Variants in ERMP1 observed in about 807,000 individuals in gnomAD.
ERMP1 encodes the protein endoplasmic reticulum metallopeptidase 1.
Under a neutral mutation model 92.0 loss-of-function variants are expected in ERMP1, and 86 were observed. The ratio of observed to expected loss-of-function variants is 0.93; its 90% CI spans 0.79 to 1.12. The LOEUF is 1.12. Ranked by LOEUF, ERMP1 falls within the 50% of genes most tolerant of loss-of-function variation. The probability of loss-of-function intolerance (pLI) is 0.00; values close to 1 mark genes in which losing one functional copy is unlikely to be tolerated. For synonymous variants in ERMP1, 530 were observed against 412.8 expected, an observed-to-expected ratio of 1.28 and a Z score of -3.44; for missense variants, 1,342 against 1,116.3, an observed-to-expected ratio of 1.20 and a Z score of -2.88.
At chr9:5,864,730 G>C (rs374009252) in intron 5 of ERMP1, among the ~76,000 whole-genome samples, 1 of 152,180 alleles carries the variant, frequency 6.6e-6, no homozygotes, top group Non-Finnish European at 1.5e-5. Context: ...CTGGACAGGA[G>C]GCTTGTATTT....
rs533476681 is a variant in ERMP1, at chr9:5,855,239, CTA to C, written n.3199+4227_3199+4228del. On this transcript the variant is annotated intron_variant and non_coding_transcript_variant, in intron 6 of 6. Transcript: ENST00000690753. The stretch of plus-strand genomic sequence containing the variant: ...CTAGGATGTCTGAAAAGGAGAGACT[CTA>C]TGGAGTATGGATGAAGCAAAAAAGG... Among the ~76,000 whole-genome samples the C allele has an allele frequency of 2.1e-3, 314 of 152,240 alleles. 5 individuals are homozygous for C. The highest frequency in any genetic ancestry group is 7.2e-3 in the African/African-American group (300 of 41,550).
At chr9:5,837,707 G>A (rs377421205), upstream of ERMP1, among the ~76,000 whole-genome samples, 8 of 152,156 alleles carry the variant, frequency 5.3e-5, no homozygotes, top group South Asian at 8.3e-4. Flanking sequence ...CACAAAAATC[G>A]GTAAGAAAAA....
chr9:5,832,550 C>G (rs904653509), intron 1 of ERMP1, 140 bp downstream of exon 1: 3 of 627,332 alleles, frequency 4.8e-6, no homozygotes, highest in Non-Finnish European at 7.4e-6. Context: ...CAAGGTCACC[C>G]CACCCCACGT....
At chr9:5,811,690 T>C (rs1284313659) in intron 6 of ERMP1, among the ~76,000 whole-genome samples, 2 of 152,196 alleles carry the variant, frequency 1.3e-5, no homozygotes, top group Non-Finnish European at 2.9e-5. Context: ...CATTTAATAA[T>C]ATATATTAAC....
intron 13 of ERMP1, among the ~76,000 whole-genome samples, chr9:5,790,534 A>G (rs949233879): frequency 6.6e-6 from 1 of 152,250 alleles, no homozygotes; most frequent in Non-Finnish European, 1.5e-5. Flanking sequence ...CACATACTGT[A>G]TGTTTCCTGA....
intron 5 of ERMP1, among the ~76,000 whole-genome samples, chr9:5,860,038 G>A (rs1385599798): frequency 6.6e-6 from 1 of 151,724 alleles, no homozygotes; most frequent in Non-Finnish European, 1.5e-5. Context: ...AGTGGCTTAT[G>A]TCTATAATTT....
chr9:5,850,342 T>G (rs974856786), intron 6 of ERMP1, among the ~76,000 whole-genome samples: 2 of 129,306 alleles, frequency 1.5e-5, no homozygotes, highest in African/African-American at 5.9e-5. Context: ...GAGGTGAAAG[T>G]TGCAGTGAGC....
chr9:5,856,078 G>A, intron 6 of ERMP1: 2 of 376,384 alleles, frequency 5.3e-6, no homozygotes, highest in Non-Finnish European at 5.3e-6. Flanking sequence ...AACGTCGGCT[G>A]AGACAATCTT....
At position 5,801,283 on chromosome 9, in the gene ERMP1, T is replaced by G. The variant is rs147318623; in HGVS notation, c.1960A>C (p.Thr654Pro). ...LAKSTKKTML[T>P]LTLVCAITFL... ...GTAATTGCACATACCAAAGTTAAAGTTAGCATGGTTTTTTTTGTGCTCTTG... is the reference window on the plus strand; with the variant it reads ...GTAATTGCACATACCAAAGTTAAAGGTAGCATGGTTTTTTTTGTGCTCTTG... Residue 654 changes from threonine to proline, a missense_variant, in exon 11 of 15, where the codon ACT (threonine) becomes CCT (proline). Coordinates refer to ENST00000339450, the MANE Select transcript of ERMP1 (RefSeq NM_024896.3). 6.2e-7 allele frequency: 1 copy of G among 1,613,300 alleles called. No homozygotes were observed. The highest frequency in any genetic ancestry group is 8.5e-7 in the Non-Finnish European group (1 of 1,179,670).
intron 4 of ERMP1, among the ~76,000 whole-genome samples, chr9:5,820,434 T>A (rs1416306571): frequency 6.6e-6 from 1 of 152,216 alleles, no homozygotes; most frequent in Non-Finnish European, 1.5e-5. Flanking sequence ...ACTAAACTAT[T>A]ACACTAGTTT....
At chr9:5,832,298 G>A (rs1829971855) in intron 1 of ERMP1, among the ~76,000 whole-genome samples, 1 of 152,080 alleles carries the variant, frequency 6.6e-6, no homozygotes. Flanking sequence ...CGCCCCCAAA[G>A]CGAATTTATA....
At position 5,830,876 on chromosome 9, in the gene ERMP1, G is replaced by A. The variant is rs759013483; in HGVS notation, c.491C>T (p.Pro164Leu). ...LHKISVDVQRPTGSFSIDFLG... is the reference protein window; with the variant it reads ...LHKISVDVQRLTGSFSIDFLG... ...GAAATCAATGCTAAAAGAGCCTGTG[G>A]GCCGTTGTACATCTACTGAAATCTT... Residue 164 changes from proline to leucine, a missense_variant, in exon 2 of 15, where the codon CCC (proline) becomes CTC (leucine). By Grantham distance (98) the Pro-to-Leu change is moderately conservative. Coordinates refer to ENST00000339450, the MANE Select transcript of ERMP1 (RefSeq NM_024896.3). The A allele has an allele frequency of 6.2e-7, 1 of 1,613,970 alleles. No individual in the cohort carries two copies. The highest frequency in any genetic ancestry group is 1.3e-5 in the African/African-American group (1 of 74,864).
chr9:5,821,777 T>C (rs1021349425), intron 4 of ERMP1, among the ~76,000 whole-genome samples: 1 of 152,196 alleles, frequency 6.6e-6, no homozygotes, highest in African/African-American at 2.4e-5. Flanking sequence ...TGAAGGCACT[T>C]AACACATAGT....
At chr9:5,851,647 T>C (rs965960826) in intron 6 of ERMP1, among the ~76,000 whole-genome samples, 3 of 152,200 alleles carry the variant, frequency 2.0e-5, no homozygotes, top group African/African-American at 4.8e-5. Flanking sequence ...TCAAACCCTT[T>C]TGTTCTTACT....
rs149390224 is a variant in ERMP1 at position 5,811,183 on chromosome 9, T to A, written c.1255A>T (p.Ile419Phe). Residue 419 changes from isoleucine to phenylalanine, a missense_variant, in exon 7 of 15, where the codon ATC becomes TTC. By Grantham distance (21) the Ile-to-Phe change is conservative (BLOSUM62 0). Transcript: ENST00000339450. ...CCCATTACCACCATGTAGTTTATGA[T>A]TGAGCCAATACGAGAGGGGTAGGCA... ...VIAYPSRIGS[I>F]INYMVVMGVV... The A allele has an allele frequency of 8.7e-6, 14 of 1,613,964 alleles. No individual in the cohort carries two copies. In the Admixed American group the frequency reaches 1.0e-4, roughly 12 times the overall value.
At chr9:5,853,338 T>C (rs1298302954) in intron 6 of ERMP1, among the ~76,000 whole-genome samples, 1 of 152,206 alleles carries the variant, frequency 6.6e-6, no homozygotes, top group African/African-American at 2.4e-5. Context: ...AAAATAATCA[T>C]ATGCCAAGGT....
At chr9:5,851,871 A>T (rs1206068499) in intron 6 of ERMP1, among the ~76,000 whole-genome samples, 1 of 152,212 alleles carries the variant, frequency 6.6e-6, no homozygotes, top group African/African-American at 2.4e-5. Flanking sequence ...GAATGGCTTG[A>T]AGTAGTTTTT....
intron 2 of ERMP1, among the ~76,000 whole-genome samples, chr9:5,829,480 T>A (rs1563772221): frequency 6.6e-6 from 1 of 152,190 alleles, no homozygotes; most frequent in Non-Finnish European, 1.5e-5. Context: ...GTGTTAATAT[T>A]ACATAAGAGT....
rs982284124 is a variant in ERMP1 at position 5,825,142 on chromosome 9, G to C, written c.718C>G (p.His240Asp). ...RVLSTSSEAL[H>D]HAVIFLFNGA... Reference sequence around the variant, plus strand: ...TTAAAGAGAAATATGACAGCATGATGCAAGGCTTCTGAAGATGTTGACAAG... The same window carrying C: ...TTAAAGAGAAATATGACAGCATGATCCAAGGCTTCTGAAGATGTTGACAAG... The change falls in exon 3 of 15, where the codon CAT (histidine) becomes GAT (aspartate). Residue 240 changes from histidine to aspartate, a missense_variant. His to Asp is a moderately conservative substitution (Grantham distance 81). Coordinates refer to ENST00000339450, the MANE Select transcript of ERMP1 (RefSeq NM_024896.3). The C allele has an allele frequency of 2.5e-6, 4 of 1,613,884 alleles. No homozygotes were observed. In the African/African-American group the frequency reaches 5.3e-5, roughly 22 times the overall value.
Sources: allele counts gnomAD v4.1 joint callset (sites outside exome capture counted in the v4.1 genomes callset), GRCh38; gene constraint gnomAD v4.1.1; transcripts MANE v1.5; gene names NCBI Gene and HGNC (gene_info 2026-07-23, HGNC 2026-07-21).